The following IL1RAP variants were observed in gnomAD, a reference collection of about 807,000 sequenced individuals.
IL1RAP encodes the protein interleukin 1 receptor accessory protein, also known as interleukin-1 receptor accessory protein.
Under a neutral mutation model 60.7 loss-of-function variants are expected in IL1RAP, and 35 were observed. That is an observed-to-expected ratio of 0.58 (90% CI 0.44 to 0.76). IL1RAP has a LOEUF of 0.76. Among genes scored for constraint, IL1RAP ranks in the 30% least tolerant of loss-of-function variants. IL1RAP has a pLI of 0.00. For synonymous variants in IL1RAP, 268 were observed against 250.9 expected (o/e 1.07, Z -0.64); for missense variants, 572 against 693.9 (o/e 0.82, Z 1.97).
rs774450817 is a variant in IL1RAP at position 190,644,365 on chromosome 3, G to A, written c.1169G>A (p.Arg390Gln). 6.2e-6 allele frequency: 10 copies of A among 1,613,668 alleles called. No individual in the cohort carries two copies. The Admixed American group carries it at 6.7e-5, about 11-fold the overall frequency. Residue 390 changes from arginine (R) to glutamine (Q), a missense_variant, in exon 10 of 12, where the codon CGG (arginine) becomes CAG (glutamine). Physicochemically the swap from Arg to Gln is conservative, Grantham distance 43 (BLOSUM62 1). Coordinates refer to ENST00000447382, the MANE Select transcript of IL1RAP (RefSeq NM_002182.4). ...VYWLEMVLFY[R>Q]AHFGTDETIL... Reference sequence around the variant, plus strand: ...TGGCTAGAGATGGTCCTATTTTACCGGGCTCATTTTGGAACAGATGAAACC... The same window carrying A: ...TGGCTAGAGATGGTCCTATTTTACCAGGCTCATTTTGGAACAGATGAAACC...
intron 3 of IL1RAP, among the ~76,000 whole-genome samples, chr3:190,584,462 C>A (rs1273833844): frequency 6.6e-6 from 1 of 152,210 alleles, no homozygotes; most frequent in African/African-American, 2.4e-5. Flanking sequence ...AGTAGCTATA[C>A]TCAATTCTGT....
chr3:190,571,122 T>C (rs79881561), intron 3 of IL1RAP, among the ~76,000 whole-genome samples: 11 of 150,146 alleles, frequency 7.3e-5, no homozygotes, highest in Admixed American at 6.6e-4. Flanking sequence ...TCGATCATGA[T>C]TTTTTTTATG....
intron 3 of IL1RAP, among the ~76,000 whole-genome samples, chr3:190,575,804 T>A (rs1210949026): frequency 6.6e-6 from 1 of 152,266 alleles, no homozygotes; most frequent in Non-Finnish European, 1.5e-5. Context: ...AAGATTTCTG[T>A]TTTTCCCAGT....
At chr3:190,575,313 T>C (rs1386030162) in intron 3 of IL1RAP, among the ~76,000 whole-genome samples, 1 of 152,218 alleles carries the variant, frequency 6.6e-6, no homozygotes, top group East Asian at 1.9e-4. Context: ...TTGCCTGTAT[T>C]GGTAACCAAA....
chr3:190,552,644 G>A (rs150984794), intron 1 of IL1RAP, among the ~76,000 whole-genome samples: 1 of 152,024 alleles, frequency 6.6e-6, no homozygotes, highest in African/African-American at 2.4e-5. Flanking sequence ...ACTACACCCA[G>A]TCCCCACAAG....
intron 3 of IL1RAP, among the ~76,000 whole-genome samples, chr3:190,586,988 A>G (rs1334932340): frequency 6.6e-6 from 1 of 152,210 alleles, no homozygotes; most frequent in Admixed American, 6.5e-5. Flanking sequence ...TCTACTTTCT[A>G]TTAATGAGTG....
At chr3:190,651,761 G>T (rs1308527009), downstream of IL1RAP, among the ~76,000 whole-genome samples, 5 of 150,744 alleles carry the variant, frequency 3.3e-5, no homozygotes, top group African/African-American at 1.2e-4. Flanking sequence ...TTTTATGGGT[G>T]TATATGTGTT....
At chr3:190,577,196 G>A (rs1205080140) in intron 3 of IL1RAP, among the ~76,000 whole-genome samples, 6 of 150,576 alleles carry the variant, frequency 4.0e-5, no homozygotes, top group East Asian at 1.9e-4. Context: ...ATATATATAT[G>A]TGTATATCAA....
At chr3:190,540,062 A>G (rs1723795552) in intron 1 of IL1RAP, among the ~76,000 whole-genome samples, 1 of 152,118 alleles carries the variant, frequency 6.6e-6, no homozygotes, top group Non-Finnish European at 1.5e-5. Flanking sequence ...AGTTGCTTAC[A>G]ATGAAATGAA....
intron 3 of IL1RAP, among the ~76,000 whole-genome samples, chr3:190,602,836 G>T (rs1470035074): frequency 6.6e-6 from 1 of 152,204 alleles, no homozygotes; most frequent in Non-Finnish European, 1.5e-5. Flanking sequence ...ATAAGCATGT[G>T]TATGTGCATA....
downstream of IL1RAP, chr3:190,655,804 C>T: frequency 2.0e-6 from 2 of 990,564 alleles, no homozygotes; most frequent in Non-Finnish European, 3.0e-6. Flanking sequence ...TGTTCATTCC[C>T]TGTCCTCTGG....
intron 1 of IL1RAP, among the ~76,000 whole-genome samples, chr3:190,555,084 A>G (rs1398800678): frequency 1.3e-5 from 2 of 152,176 alleles, no homozygotes; most frequent in East Asian, 1.9e-4. Context: ...ATTAGTGGCA[A>G]TGTCGTTAAG....
rs527420422 is a variant in IL1RAP, at chr3:190,555,290, C to T, written c.-88-840C>T. ...CGTCACATTGCCCAAGTGATGTGCT[C>T]CTTCCTCCCTCCTCTCTACTCCGCT... is the stretch of plus-strand genomic sequence containing the variant. On this transcript the variant is annotated intron_variant, in intron 1 of 11. Transcript: ENST00000447382. Among the ~76,000 whole-genome samples the T allele has an allele frequency of 1.8e-4, 23 of 124,374 alleles. 1 individual carries two copies. Among genetic ancestry groups the T allele is most frequent in the African/African-American group, 7.7e-4 (23 of 30,064 alleles). 81.6% of individuals were successfully genotyped at this position (124,374 alleles called of 152,430 possible).
At chr3:190,564,624 T>A (rs1452302717) in intron 3 of IL1RAP, 2 of 396,790 alleles carry the variant, frequency 5.0e-6, no homozygotes, top group Non-Finnish European at 9.3e-6. Flanking sequence ...CTCAGCCAAC[T>A]AGAATATTGC....
At chr3:190,575,780 G>A (rs1195178583) in intron 3 of IL1RAP, among the ~76,000 whole-genome samples, 1 of 152,226 alleles carries the variant, frequency 6.6e-6, no homozygotes, top group Non-Finnish European at 1.5e-5. Flanking sequence ...TGCTATGTAG[G>A]AATAAGATTG....
chr3:190,636,889 T>C (rs373365661), intron 9 of IL1RAP, among the ~76,000 whole-genome samples: 26 of 152,282 alleles, frequency 1.7e-4, no homozygotes, highest in African/African-American at 6.0e-4. Flanking sequence ...GACTAATTGG[T>C]ATTTTCATTG....
At chr3:190,627,237 G>A in intron 7 of IL1RAP, 86 bp from the exon 8 acceptor site, 2 of 1,179,686 alleles carry the variant, frequency 1.7e-6, no homozygotes, top group South Asian at 1.5e-5. Flanking sequence ...ACACTAATGG[G>A]CTAACTTTGT....
chr3:190,569,707 G>A (rs1726749009), intron 3 of IL1RAP, among the ~76,000 whole-genome samples: 2 of 152,134 alleles, frequency 1.3e-5, no homozygotes, highest in South Asian at 2.1e-4. Flanking sequence ...CACATAATTG[G>A]CTTGATACTG....
At chr3:190,514,597 A>G (rs1353868653) in intron 1 of IL1RAP, among the ~76,000 whole-genome samples, 1 of 142,678 alleles carries the variant, frequency 7.0e-6, no homozygotes, top group African/African-American at 2.6e-5. Context: ...GGAAGCGCCG[A>G]GGACAGAAGG....
Sources: allele counts gnomAD v4.1 joint callset (sites outside exome capture counted in the v4.1 genomes callset), GRCh38; gene constraint gnomAD v4.1.1; transcripts MANE v1.5; gene names NCBI Gene and HGNC (gene_info 2026-07-23, HGNC 2026-07-21).